Variants in BCAR3 observed in about 807,000 individuals in gnomAD.
The protein encoded by BCAR3 is breast cancer anti-estrogen resistance protein 3.
In BCAR3, 37 loss-of-function variants were observed where a neutral mutation model predicts 80.1. That is an observed-to-expected ratio of 0.46 (90% CI 0.36 to 0.61). The LOEUF (loss-of-function observed/expected upper bound fraction) is 0.61. BCAR3 is among the 20% of genes least tolerant of loss of function. The pLI is 0.00. For missense variants in BCAR3, 978 were observed against 1,068.2 expected (o/e 0.92, Z 1.18); for synonymous variants, 389 against 418.9 (o/e 0.93, Z 0.87).
chr1:93,670,939 G>A (rs1464808720), intron 2 of BCAR3, among the ~76,000 whole-genome samples: 2 of 152,074 alleles, frequency 1.3e-5, no homozygotes, highest in Non-Finnish European at 2.9e-5. Context: ...CCTCTGCTTT[G>A]TCTTGGGCCT....
In BCAR3 at chr1:93,582,661, C is replaced by T; in HGVS notation, c.1326G>A (p.Arg442=). The change falls in exon 7 of 12, where the codon AGG becomes AGA. Residue 442 remains arginine, a synonymous_variant. Coordinates refer to ENST00000260502, the MANE Select transcript of BCAR3 (RefSeq NM_003567.4). ...LNPAFATGCG[R]GAKLPSCAQG... is the part of the protein sequence containing the mutation. ...GGGCACATGAGGGTAGCTTTGCTCCCCTGCCGCAGCCTGTGGCAAACGCTG... is the reference window on the plus strand; with the variant it reads ...GGGCACATGAGGGTAGCTTTGCTCCTCTGCCGCAGCCTGTGGCAAACGCTG... The T allele has an allele frequency of 1.2e-6, 2 of 1,614,088 alleles. No homozygotes were observed. Among genetic ancestry groups the T allele is most frequent in the Non-Finnish European group, 8.5e-7 (1 of 1,180,012 alleles).
At chr1:93,593,652 G>A (rs1395280181) in intron 3 of BCAR3, among the ~76,000 whole-genome samples, 1 of 152,132 alleles carries the variant, frequency 6.6e-6, no homozygotes, top group African/African-American at 2.4e-5. Context: ...TGGGATTACA[G>A]GCGTGAGCCA....
At chr1:93,694,622 T>C (rs942124782) in intron 3 of BCAR3, among the ~76,000 whole-genome samples, 1 of 152,166 alleles carries the variant, frequency 6.6e-6, no homozygotes, top group Non-Finnish European at 1.5e-5. Flanking sequence ...TCTCCAACTT[T>C]CCTGATCATT....
At chr1:93,654,276 C>G (rs1647261795) in intron 2 of BCAR3, among the ~76,000 whole-genome samples, 1 of 152,166 alleles carries the variant, frequency 6.6e-6, no homozygotes, top group African/African-American at 2.4e-5. Flanking sequence ...CCAGGTGGGC[C>G]TGACATGAAG....
chr1:93,753,554 A>G (rs868437984), intron 2 of BCAR3: 40 of 61,974 alleles, frequency 6.5e-4, no homozygotes, highest in African/African-American at 2.6e-3. Context: ...ACACACACAC[A>G]CACACACACA....
intron 2 of BCAR3, among the ~76,000 whole-genome samples, chr1:93,671,998 G>T (rs141802640): frequency 1.5e-3 from 225 of 151,974 alleles, no homozygotes; most frequent in African/African-American, 5.3e-3. Context: ...ATTTTTGAGG[G>T]ATATGCATTT....
chr1:93,752,187 A>G (rs1192712538), intron 2 of BCAR3, among the ~76,000 whole-genome samples: 3 of 152,208 alleles, frequency 2.0e-5, no homozygotes, highest in Non-Finnish European at 4.4e-5. Flanking sequence ...ACTACCACAG[A>G]GTGTGAAGGG....
chr1:93,714,180 A>G (rs1291919166), intron 2 of BCAR3, among the ~76,000 whole-genome samples: 1 of 152,104 alleles, frequency 6.6e-6, no homozygotes, highest in East Asian at 1.9e-4. Flanking sequence ...ACAGGGTTTC[A>G]CCGTGTTAGC....
At chr1:93,837,813 A>C (rs2100844415) in intron 2 of BCAR3, among the ~76,000 whole-genome samples, 1 of 152,336 alleles carries the variant, frequency 6.6e-6, no homozygotes, top group African/African-American at 2.4e-5. Context: ...AGCCCAGCAG[A>C]GTGGTGGGTA....
chr1:93,623,158 G>A (rs958792545), intron 3 of BCAR3, among the ~76,000 whole-genome samples: 20 of 152,180 alleles, frequency 1.3e-4, no homozygotes, highest in Non-Finnish European at 2.8e-4. Context: ...AGATAAACTA[G>A]GGAAAGATGG....
intron 2 of BCAR3, among the ~76,000 whole-genome samples, chr1:93,672,994 T>G (rs1648290098): frequency 6.6e-6 from 1 of 152,192 alleles, no homozygotes; most frequent in African/African-American, 2.4e-5. Flanking sequence ...CATGCCAAAC[T>G]TGCTCCCATC....
chr1:93,714,102 C>A (rs1267107168), intron 2 of BCAR3, among the ~76,000 whole-genome samples: 1 of 152,154 alleles, frequency 6.6e-6, no homozygotes, highest in Non-Finnish European at 1.5e-5. Flanking sequence ...CCTGCCTCAG[C>A]CTCCCGAGTA....
At chr1:93,839,455 G>A (rs12143279) in intron 2 of BCAR3, among the ~76,000 whole-genome samples, 3 of 151,944 alleles carry the variant, frequency 2.0e-5, no homozygotes, top group African/African-American at 4.8e-5. Flanking sequence ...AGCAGAAGTT[G>A]TGAAAGCTTA....
At chr1:93,799,865 C>T (rs6664046) in intron 2 of BCAR3, among the ~76,000 whole-genome samples, 21,524 of 152,138 alleles carry the variant, frequency 0.14, 2,485 homozygotes, top group African/African-American at 0.31. Context: ...ACTGTCAGGA[C>T]CTACTGGTAT....
intron 3 of BCAR3, among the ~76,000 whole-genome samples, chr1:93,611,166 A>T (rs1003882567): frequency 2.6e-5 from 4 of 152,104 alleles, no homozygotes; most frequent in Admixed American, 2.6e-4. Context: ...ATGTGAAAGA[A>T]CTCATACATT....
intron 3 of BCAR3, among the ~76,000 whole-genome samples, chr1:93,610,669 G>C (rs767865362): frequency 1.3e-5 from 2 of 152,196 alleles, no homozygotes; most frequent in African/African-American, 4.8e-5. Context: ...CTAGCAGCCA[G>C]GCATGGTGGC....
intron 9 of BCAR3, among the ~76,000 whole-genome samples, chr1:93,570,930 G>A (rs1673185482): frequency 1.3e-5 from 2 of 152,190 alleles, no homozygotes; most frequent in Admixed American, 6.5e-5. Context: ...GAGGCTGGGC[G>A]TGGTGCTTCA....
intron 2 of BCAR3, among the ~76,000 whole-genome samples, chr1:93,743,940 G>A (rs1651266334): frequency 6.6e-6 from 1 of 152,218 alleles, no homozygotes; most frequent in African/African-American, 2.4e-5. Context: ...TGCTAGGGAA[G>A]GGCATGGGGA....
chr1:93,646,080 TAA>T (rs1315278545), intron 2 of BCAR3, among the ~76,000 whole-genome samples: 3 of 152,128 alleles, frequency 2.0e-5, no homozygotes, highest in African/African-American at 7.2e-5. Context: ...TAAAAATATA[TAA>T]AGAGCTCTAA....
Sources: allele counts gnomAD v4.1 joint callset (sites outside exome capture counted in the v4.1 genomes callset), GRCh38; gene constraint gnomAD v4.1.1; transcripts MANE v1.5; gene names NCBI Gene and HGNC (gene_info 2026-07-23, HGNC 2026-07-21).